The following RSPO2 variants were observed in gnomAD, a reference collection of about 807,000 sequenced individuals.
RSPO2 encodes the protein R-spondin 2.
A neutral mutation model predicts 30.9 loss-of-function variants in RSPO2; 14 were observed. The observed-to-expected ratio is 0.45, with a 90% CI of 0.30 to 0.71. The LOEUF is 0.71. Ranked by LOEUF, RSPO2 falls within the 30% of genes least tolerant of loss-of-function variation. The pLI is 0.08. For synonymous variants in RSPO2, 107 were observed against 96.4 expected, an observed-to-expected ratio of 1.11 and a Z score of -0.64; for missense variants, 264 against 301.9, an observed-to-expected ratio of 0.87 and a Z score of 0.93.
chr8:108,062,067 C>T (rs1381325305), intron 2 of RSPO2, among the ~76,000 whole-genome samples: 3 of 151,854 alleles, frequency 2.0e-5, no homozygotes, highest in Non-Finnish European at 4.4e-5. Flanking sequence ...GCACTAAATG[C>T]CCACAAGAGA....
intron 3 of RSPO2, among the ~76,000 whole-genome samples, chr8:107,982,481 T>G (rs376324456): frequency 1.2e-4 from 19 of 152,308 alleles, no homozygotes; most frequent in African/African-American, 4.6e-4. Flanking sequence ...TTCTTCATTA[T>G]TTTTTGTCTT....
intron 3 of RSPO2, among the ~76,000 whole-genome samples, chr8:107,987,599 G>C (rs1156743336): frequency 1.3e-5 from 2 of 152,174 alleles, no homozygotes; most frequent in Non-Finnish European, 2.9e-5. Context: ...AGGGACCAAG[G>C]ACACTAAATG....
At chr8:108,000,575 CAG>C (rs886800541) in intron 2 of RSPO2, among the ~76,000 whole-genome samples, 1 of 151,904 alleles carries the variant, frequency 6.6e-6, no homozygotes, top group African/African-American at 2.4e-5. Context: ...CTTAGCACCA[CAG>C]AGAGAGGCTC....
At position 107,987,506 on chromosome 8, in the gene RSPO2, T is replaced by G. The variant is rs532888431; in HGVS notation, c.283+1550A>C. 5.9e-5 allele frequency among the ~76,000 whole-genome samples: 9 copies of G among 152,328 alleles called. No individual in the cohort carries two copies. In the East Asian group the frequency reaches 7.7e-4, roughly 13 times the overall value. On this transcript the variant is annotated intron_variant, in intron 3 of 5. Coordinates refer to ENST00000276659, the MANE Select transcript of RSPO2 (RefSeq NM_178565.5). ...AATGGTTTTCATCCAGCTACTGTAC[T>G]GCTCTTCCACGAAGTGTTTAAAAAT...
intron 3 of RSPO2, among the ~76,000 whole-genome samples, chr8:107,979,612 A>C (rs1814351261): frequency 6.6e-6 from 1 of 152,164 alleles, no homozygotes; most frequent in African/African-American, 2.4e-5. Context: ...ACAACATGGC[A>C]CATGTATACA....
chr8:108,003,301 ATATATATATATTTTT>A lies in RSPO2; in HGVS notation c.95-14072_95-14058del, dbSNP rs1297977330. Reference sequence around the variant, plus strand: ...TGTATATATATATATATATATATATATATATATATATTTTTTTTTTTTTTTTTTTTTTTTTTAAGT... The same window carrying A: ...TGTATATATATATATATATATATATATTTTTTTTTTTTTTTTTTTTTAAGT... On this transcript the variant is annotated intron_variant, in intron 2 of 5. Transcript: ENST00000276659. Among the ~76,000 whole-genome samples, 92 of 24,610 alleles carry A rather than the reference ATATATATATATTTTT, an allele frequency of 3.7e-3. 1 individual carries two copies. The highest frequency in any genetic ancestry group is 0.012 in the African/African-American group (81 of 6,714). 16.1% of individuals were successfully genotyped at this position (24,610 alleles called of 152,430 possible). A position where few individuals can be genotyped will look rare whatever the true frequency, so the allele number is the denominator to read the frequency against.
At chr8:108,068,932 T>A (rs1812754738) in intron 2 of RSPO2, among the ~76,000 whole-genome samples, 1 of 152,210 alleles carries the variant, frequency 6.6e-6, no homozygotes, top group African/African-American at 2.4e-5. Flanking sequence ...CAGTTTGTAG[T>A]ACTTTGTCAC....
intron 2 of RSPO2, among the ~76,000 whole-genome samples, chr8:108,019,852 C>A (rs1294020297): frequency 6.6e-6 from 1 of 152,090 alleles, no homozygotes; most frequent in Non-Finnish European, 1.5e-5. Flanking sequence ...ACTTTGTGCT[C>A]TGGTTTAGTG....
At chr8:107,945,896 A>G (rs1813044337) in intron 5 of RSPO2, among the ~76,000 whole-genome samples, 1 of 152,084 alleles carries the variant, frequency 6.6e-6, no homozygotes, top group South Asian at 2.1e-4. Context: ...TTAATGTTTC[A>G]ATTTTACCAC....
intron 3 of RSPO2, among the ~76,000 whole-genome samples, chr8:107,988,791 C>T (rs1814740285): frequency 6.6e-6 from 1 of 152,056 alleles, no homozygotes; most frequent in Admixed American, 6.5e-5. Context: ...CCATGCCTGG[C>T]TAATTTTTGT....
intron 5 of RSPO2, among the ~76,000 whole-genome samples, chr8:107,943,162 A>G (rs914319202): frequency 2.6e-5 from 4 of 152,236 alleles, no homozygotes; most frequent in Non-Finnish European, 5.9e-5. Context: ...CCTTAAATGC[A>G]GTGCTGAAAA....
chr8:107,974,031 A>G (rs1014329920), intron 3 of RSPO2, among the ~76,000 whole-genome samples: 1 of 108,704 alleles, frequency 9.2e-6, no homozygotes, highest in Non-Finnish European at 2.4e-5. Context: ...GGCTCATTCC[A>G]CATCCTCAAA....
intron 2 of RSPO2, among the ~76,000 whole-genome samples, chr8:108,054,768 C>T (rs181541684): frequency 6.6e-6 from 1 of 152,244 alleles, no homozygotes; most frequent in Non-Finnish European, 1.5e-5. Flanking sequence ...ATTTTGTGCC[C>T]TAAGGCCCCC....
intron 5 of RSPO2, among the ~76,000 whole-genome samples, chr8:107,906,905 TTTC>T (rs1175791183): frequency 6.6e-6 from 1 of 151,978 alleles, no homozygotes; most frequent in Non-Finnish European, 1.5e-5. Context: ...AATATGCTTT[TTTC>T]TTGTGTGAGA....
chr8:107,922,480 G>A (rs934169208), intron 5 of RSPO2, among the ~76,000 whole-genome samples: 2 of 152,068 alleles, frequency 1.3e-5, no homozygotes, highest in African/African-American at 4.8e-5. Context: ...TGGGTAGAAT[G>A]GATAGGAATA....
In RSPO2 at chr8:107,899,510, G is replaced by A. The variant is rs959111566; in HGVS notation, c.*1565C>T. ...AAGTTGTATACAACATTCATATGTG[G>A]CTTATTATCTCATAGCAATATTTTC... On this transcript the variant is annotated 3_prime_UTR_variant, in exon 6 of 6. Transcript: ENST00000276659. 1.3e-5 allele frequency: 2 copies of A among 152,400 alleles called. No homozygotes were observed. Among genetic ancestry groups the A allele is most frequent in the African/African-American group, 4.8e-5 (2 of 41,376 alleles). 9.4% of individuals were successfully genotyped at this position (152,400 alleles called of 1,614,324 possible).
intron 5 of RSPO2, among the ~76,000 whole-genome samples, chr8:107,909,900 T>C (rs1811768333): frequency 6.6e-6 from 1 of 152,208 alleles, no homozygotes; most frequent in South Asian, 2.1e-4. Flanking sequence ...TCCATTTTCA[T>C]TTAATTGAAT....
At chr8:107,915,845 C>A (rs1811965978) in intron 5 of RSPO2, among the ~76,000 whole-genome samples, 1 of 152,108 alleles carries the variant, frequency 6.6e-6, no homozygotes, top group African/African-American at 2.4e-5. Flanking sequence ...AAACATCTTG[C>A]AAAACGGAGA....
chr8:108,081,847 G>C (rs1250914197), intron 2 of RSPO2: 1 of 947,308 alleles, frequency 1.1e-6, no homozygotes, highest in Non-Finnish European at 1.3e-6. Context: ...AGCGAAGTGG[G>C]GCCTGTTTTA....
Sources: allele counts gnomAD v4.1 joint callset (sites outside exome capture counted in the v4.1 genomes callset), GRCh38; gene constraint gnomAD v4.1.1; transcripts MANE v1.5; gene names NCBI Gene and HGNC (gene_info 2026-07-23, HGNC 2026-07-21).